Variants in EXPH5 observed in about 807,000 individuals in gnomAD.
EXPH5 encodes the protein exophilin-5.
Under a neutral mutation model 41.1 loss-of-function variants are expected in EXPH5, and 42 were observed. That is an observed-to-expected ratio of 1.02 (90% CI 0.80 to 1.32). The LOEUF (loss-of-function observed/expected upper bound fraction) is 1.32, where lower values mean the gene tolerates loss of function less well. Ranked by LOEUF, EXPH5 falls within the 40% of genes most tolerant of loss-of-function variation. EXPH5 has a pLI of 0.00. For synonymous variants in EXPH5, 798 were observed against 833.5 expected (o/e 0.96, Z 0.73); for missense variants, 2,298 against 2,314.5 (o/e 0.99, Z 0.15).
In EXPH5 at chr11:108,591,876, C is replaced by T. The variant is rs894108575; in HGVS notation, c.119+1542G>A. On this transcript the variant is annotated intron_variant, in intron 1 of 5. Coordinates refer to ENST00000265843, the MANE Select transcript of EXPH5 (RefSeq NM_015065.3). ...AACATCTTAAATGAAAGCTTCTCTCCTTGTTATTTTCTAACTCTCCCCTCA... is the reference window on the plus strand; with the variant it reads ...AACATCTTAAATGAAAGCTTCTCTCTTTGTTATTTTCTAACTCTCCCCTCA... Among the ~76,000 whole-genome samples the T allele has an allele frequency of 4.6e-5, 7 of 152,186 alleles. 1 individual carries two copies. The highest frequency in any genetic ancestry group is 2.0e-4 in the Admixed American group (3 of 15,282).
chr11:108,606,535 T>C, the EXPH5 span, among the ~76,000 whole-genome samples: 2 of 152,172 alleles, frequency 1.3e-5, no homozygotes, highest in Non-Finnish European at 2.9e-5. Context: ...TCACCTTTTT[T>C]TAAAAAAATG....
chr11:108,522,123 C>A (rs1163033989), intron 4 of EXPH5, among the ~76,000 whole-genome samples: 2 of 151,966 alleles, frequency 1.3e-5, no homozygotes, highest in African/African-American at 4.8e-5. Context: ...AAATTATATA[C>A]CTAGCAAGAG....
At position 108,512,244 on chromosome 11, in the gene EXPH5, G is replaced by C; in HGVS notation, c.3263C>G (p.Ser1088Ter). The change falls in exon 6 of 6, where the codon TCA becomes TGA. Residue 1088 changes from serine (S) to a stop codon, truncating the protein, a stop_gained. Transcript: ENST00000265843. LOFTEE classifies it low-confidence loss of function (END_TRUNC). ...TGTGGCTTCAGGTGCTTCCAGGGCT[G>C]AGTCTGAAAGGACTTTGGAACATTC... Reference protein sequence around the residue: ...ANECSKVLSDSALEAPEATER... With the variant: ...ANECSKVLSD The C allele has an allele frequency of 6.2e-7, 1 of 1,610,462 alleles. No individual in the cohort carries two copies. Among genetic ancestry groups the C allele is most frequent in the Non-Finnish European group, 8.5e-7 (1 of 1,178,902 alleles).
At chr11:108,556,415 G>A (rs1415711149) in intron 1 of EXPH5, among the ~76,000 whole-genome samples, 2 of 152,096 alleles carry the variant, frequency 1.3e-5, no homozygotes, top group Non-Finnish European at 2.9e-5. Context: ...CCTACTACAG[G>A]AGAAGGTCAG....
chr11:108,589,106 G>A (rs1006284333), intron 1 of EXPH5, among the ~76,000 whole-genome samples: 2 of 152,174 alleles, frequency 1.3e-5, no homozygotes, highest in Non-Finnish European at 2.9e-5. Context: ...GCATAAGGGC[G>A]AGCTACAGTT....
chr11:108,542,092 C>T (rs1214719492), intron 1 of EXPH5, among the ~76,000 whole-genome samples: 2 of 152,100 alleles, frequency 1.3e-5, no homozygotes, highest in East Asian at 3.8e-4. Flanking sequence ...GTTGCCCAGG[C>T]TGGTCTCGAA....
At chr11:108,540,907 A>T (rs975665049) in intron 2 of EXPH5, among the ~76,000 whole-genome samples, 3 of 148,460 alleles carry the variant, frequency 2.0e-5, no homozygotes, top group Admixed American at 1.3e-4. Context: ...ATATTCTATT[A>T]TTTTTTTTTT....
At chr11:108,605,171 AG>A in the EXPH5 span, among the ~76,000 whole-genome samples, 1 of 152,172 alleles carries the variant, frequency 6.6e-6, no homozygotes, top group African/African-American at 2.4e-5. Context: ...GCACCTTGAA[AG>A]GGTGCCTCAA....
chr11:108,555,165 C>T (rs111331716), intron 1 of EXPH5, among the ~76,000 whole-genome samples: 9 of 152,340 alleles, frequency 5.9e-5, no homozygotes, highest in African/African-American at 1.4e-4. Context: ...TGTCATCACC[C>T]GGCTAGCTCT....
rs751439680 is a variant in EXPH5 at position 108,511,766 on chromosome 11, C to T, written c.3741G>A (p.Leu1247=). Residue 1247 remains leucine (L), a synonymous_variant, in exon 6 of 6, where the codon CTG becomes CTA. Transcript: ENST00000265843. ...GAGTGTAATATATTGAGACCACCTCCAGACATTTTACATTATCTTCATCAC... is the reference window on the plus strand; with the variant it reads ...GAGTGTAATATATTGAGACCACCTCTAGACATTTTACATTATCTTCATCAC... ...VSGDEDNVKC[L]EVVSIYYTLP... 3.7e-6 allele frequency: 6 copies of T among 1,611,056 alleles called. No individual in the cohort carries two copies. The highest frequency in any genetic ancestry group is 5.1e-6 in the Non-Finnish European group (6 of 1,179,350).
chr11:108,570,345 C>G (rs1314496941), intron 1 of EXPH5, among the ~76,000 whole-genome samples: 1 of 152,116 alleles, frequency 6.6e-6, no homozygotes, highest in Non-Finnish European at 1.5e-5. Flanking sequence ...ACCTCCGCCT[C>G]CTGGGTTCAA....
At position 108,512,816 on chromosome 11, in the gene EXPH5, A is replaced by C. The variant is rs2093692199; in HGVS notation, c.2691T>G (p.Ala897=). Residue 897 remains alanine (A), a synonymous_variant, in exon 6 of 6, where the codon GCT becomes GCG. Transcript: ENST00000265843. ...ACACTGTAGTAGATGGAACCACAGG[A>C]GCATCAAGGGAAGAATTCTTTGATG... ...SSPSKNSSLD[A]PVVPSTTVFS... The C allele has an allele frequency of 6.2e-7, 1 of 1,614,192 alleles. No homozygotes were observed. The highest frequency in any genetic ancestry group is 8.5e-7 in the Non-Finnish European group (1 of 1,180,026).
rs1294873871 is a variant in EXPH5 at position 108,507,593 on chromosome 11, T to C, written c.*1944A>G. On this transcript the variant is annotated 3_prime_UTR_variant, in exon 6 of 6. Coordinates refer to ENST00000265843, the MANE Select transcript of EXPH5 (RefSeq NM_015065.3). ...GAATTAGGAGAGAAATCCCCCGAGG[T>C]TCTGCATGGCAAATAAAGAGTTAGG... 6.6e-6 allele frequency: 1 copy of C among 152,124 alleles called. No individual in the cohort carries two copies. Among genetic ancestry groups the C allele is most frequent in the Non-Finnish European group, 1.5e-5 (1 of 68,028 alleles). The allele number at this position is 152,124 out of a possible 1,614,324, so 9.4% of individuals were successfully genotyped here. A position where few individuals can be genotyped will look rare whatever the true frequency, so the allele number is the denominator to read the frequency against.
rs1291901688 is a variant in EXPH5, at chr11:108,511,855, A to G, written c.3652T>C (p.Ser1218Pro). The G allele has an allele frequency of 6.3e-7, 1 of 1,589,616 alleles. No homozygotes were observed. Among genetic ancestry groups the G allele is most frequent in the Admixed American group, 1.9e-5 (1 of 53,474 alleles). The change falls in exon 6 of 6, where the codon TCA (serine) becomes CCA (proline). Residue 1218 changes from serine (S) to proline (P), a missense_variant. Coordinates refer to ENST00000265843, the MANE Select transcript of EXPH5 (RefSeq NM_015065.3). Reference sequence around the variant, plus strand: ...AATGTTTTCCCACGTTCTTTTCCTGACAAGTCTGAGCAAAAAGGTAAAGGG... The same window carrying G: ...AATGTTTTCCCACGTTCTTTTCCTGGCAAGTCTGAGCAAAAAGGTAAAGGG... ...EDPLPFCSDLSGKERGKTLHK... is the reference protein window; with the variant it reads ...EDPLPFCSDLPGKERGKTLHK...
chr11:108,527,397 G>C (rs2093807050), intron 4 of EXPH5, among the ~76,000 whole-genome samples: 1 of 152,030 alleles, frequency 6.6e-6, no homozygotes, highest in Non-Finnish European at 1.5e-5. Context: ...GAGAGAGGGA[G>C]GGAGAGAGAG....
chr11:108,596,428 A>T (rs2094139006), upstream of EXPH5, among the ~76,000 whole-genome samples: 1 of 152,220 alleles, frequency 6.6e-6, no homozygotes, highest in African/African-American at 2.4e-5. Flanking sequence ...AGACGCAAAG[A>T]TGATGCAAGA....
chr11:108,599,839 G>A, the EXPH5 span, among the ~76,000 whole-genome samples: 1 of 152,336 alleles, frequency 6.6e-6, no homozygotes, highest in East Asian at 1.9e-4. Flanking sequence ...TGACAATGCT[G>A]ATGGGATGCA....
chr11:108,596,937 G>A (rs2094139645), upstream of EXPH5, among the ~76,000 whole-genome samples: 1 of 152,216 alleles, frequency 6.6e-6, no homozygotes. Flanking sequence ...GAGGCAAGCA[G>A]CCATTTTCAA....
chr11:108,562,332 C>T (rs1336161754), intron 1 of EXPH5, among the ~76,000 whole-genome samples: 5 of 147,640 alleles, frequency 3.4e-5, no homozygotes, highest in African/African-American at 1.0e-4. Flanking sequence ...GTGGCTCACG[C>T]CTATAATCGC....
Sources: allele counts gnomAD v4.1 joint callset (sites outside exome capture counted in the v4.1 genomes callset), GRCh38; gene constraint gnomAD v4.1.1; transcripts MANE v1.5; gene names NCBI Gene and HGNC (gene_info 2026-07-23, HGNC 2026-07-21).